MYO6: variants seen among roughly 807,000 people sequenced by gnomAD.
MYO6 encodes the protein myosin VI, also known as unconventional myosin-VI.
In MYO6, 74 loss-of-function variants were observed where a neutral mutation model predicts 178.7. The ratio of observed to expected loss-of-function variants is 0.41; its 90% confidence interval spans 0.34 to 0.50. MYO6 has a LOEUF of 0.50. Ranked by LOEUF, MYO6 falls within the 20% of genes least tolerant of loss-of-function variation. The pLI is 0.09. For synonymous variants in MYO6, 477 were observed against 504.6 expected (o/e 0.95, Z 0.73); for missense variants, 1,330 against 1,547.4 (o/e 0.86, Z 2.36).
intron 2 of MYO6, among the ~76,000 whole-genome samples, chr6:75,818,451 C>T (rs1202157081): frequency 1.3e-5 from 2 of 152,160 alleles, no homozygotes; most frequent in African/African-American, 4.8e-5. Flanking sequence ...ACTCTTAGCT[C>T]TCTTAGCACA....
At chr6:75,902,703 G>A (rs1365795738) in intron 30 of MYO6, among the ~76,000 whole-genome samples, 2 of 151,430 alleles carry the variant, frequency 1.3e-5, no homozygotes, top group Non-Finnish European at 3.0e-5. Context: ...TTTTTTGAAG[G>A]GTTTTTTGTG....
intron 7 of MYO6, among the ~76,000 whole-genome samples, chr6:75,838,434 T>C (rs1326093005): frequency 6.6e-6 from 1 of 152,172 alleles, no homozygotes; most frequent in Non-Finnish European, 1.5e-5. Flanking sequence ...AATAGAAGTT[T>C]AGTTGCTGGT....
chr6:75,893,487 C>CA (rs1447240594), intron 28 of MYO6, among the ~76,000 whole-genome samples: 1 of 151,892 alleles, frequency 6.6e-6, no homozygotes, highest in Non-Finnish European at 1.5e-5. Flanking sequence ...CAGTTTATGA[C>CA]AAAATATAGA....
rs551144411 is a variant in MYO6 at position 75,823,171 on chromosome 6, G to A, written c.187+320G>A. Among the ~76,000 whole-genome samples, 10 of 152,270 alleles carry A rather than the reference G, an allele frequency of 6.6e-5. 1 individual carries two copies. Among genetic ancestry groups the A allele is most frequent in the Admixed American group, 6.5e-4 (10 of 15,284 alleles). ...ATTGAACCTTATTTAGAGTCAGGTG[G>A]TTTTTATTGTAGTATATGTGGTTCA... On this transcript the variant is annotated intron_variant, in intron 3 of 34. Transcript: ENST00000369977.
intron 16 of MYO6, among the ~76,000 whole-genome samples, chr6:75,866,282 T>TGTGTGG (rs1236117460): frequency 4.9e-4 from 73 of 150,274 alleles, no homozygotes; most frequent in East Asian, 2.3e-3. Flanking sequence ...TCTCTGTGTG[T>TGTGTGG]GTGTGTGTGT....
intron 14 of MYO6, among the ~76,000 whole-genome samples, chr6:75,859,305 C>CTTTT (rs1161462411): frequency 6.9e-6 from 1 of 144,978 alleles, no homozygotes; most frequent in Admixed American, 6.9e-5. Flanking sequence ...GTCTCTACTT[C>CTTTT]TTTTTTTTTT....
intron 12 of MYO6, among the ~76,000 whole-genome samples, chr6:75,856,840 G>A (rs181111637): frequency 6.6e-6 from 1 of 152,258 alleles, no homozygotes; most frequent in East Asian, 1.9e-4. Flanking sequence ...TATTCAGGAT[G>A]TAAATTAAGG....
chr6:75,785,438 TTTTTG>T (rs1200176827), intron 1 of MYO6, among the ~76,000 whole-genome samples: 1 of 151,512 alleles, frequency 6.6e-6, no homozygotes, highest in Non-Finnish European at 1.5e-5. Context: ...GGATCCTAGT[TTTTTG>T]TTTTGTTTTG....
Position 75,821,896 on chromosome 6 carries a change from GATAAA to G in MYO6, c.118-880_118-876del, listed in dbSNP as rs146976957. ...TGCAGTGTTACTCTAGCATTTAAGT[GATAAA>G]ATAAATATAAGTATTCATGGATACT... On this transcript the variant is annotated intron_variant, in intron 2 of 34. Transcript: ENST00000369977. 3.1e-3 allele frequency among the ~76,000 whole-genome samples: 468 copies of G among 152,224 alleles called. 1 individual carries two copies. The highest frequency in any genetic ancestry group is 0.011 in the African/African-American group (439 of 41,542).
At chr6:75,771,760 A>G (rs1765915532) in intron 1 of MYO6, among the ~76,000 whole-genome samples, 1 of 152,216 alleles carries the variant, frequency 6.6e-6, no homozygotes, top group Non-Finnish European at 1.5e-5. Context: ...TAAACCATTA[A>G]GTCCCATATC....
intron 20 of MYO6, among the ~76,000 whole-genome samples, chr6:75,876,356 CT>C (rs1777569070): frequency 6.6e-6 from 1 of 152,130 alleles, no homozygotes; most frequent in Non-Finnish European, 1.5e-5. Context: ...TCCTATTTCC[CT>C]GGCATATACT....
In MYO6 at chr6:75,832,872, T is replaced by C. The variant is rs1465587875; in HGVS notation, c.422T>C (p.Leu141Pro). The change falls in exon 6 of 35, where the codon CTC (leucine) becomes CCC (proline). Residue 141 changes from leucine (L) to proline (P), a missense_variant. Leu to Pro is a moderately conservative substitution (Grantham distance 98, BLOSUM62 -3). Around this residue, in one of 3 missense-constraint regions of MYO6, gnomAD observed 613 missense variants for 816.8 expected, o/e 0.75. Transcript: ENST00000369977. Reference protein sequence around the residue: ...ADKAFRDMKVLKMSQSIIVSG... With the variant: ...ADKAFRDMKVPKMSQSIIVSG... ...AAAGCTTTTCGAGACATGAAGGTGC[T>C]CAAGATGAGTCAGTCTATCATTGTA... 2.5e-6 allele frequency: 4 copies of C among 1,614,036 alleles called. No individual in the cohort carries two copies. Among genetic ancestry groups the C allele is most frequent in the Non-Finnish European group, 3.4e-6 (4 of 1,179,888 alleles).
chr6:75,796,647 T>C (rs1347999075), intron 1 of MYO6, among the ~76,000 whole-genome samples: 2 of 142,830 alleles, frequency 1.4e-5, no homozygotes, highest in Non-Finnish European at 3.2e-5. Flanking sequence ...TTTTTTTTTT[T>C]AATTGAGACG....
intron 1 of MYO6, among the ~76,000 whole-genome samples, chr6:75,807,683 C>T (rs1770237949): frequency 6.6e-6 from 1 of 152,192 alleles, no homozygotes; most frequent in Non-Finnish European, 1.5e-5. Context: ...TAAAGAATAG[C>T]TCCTCCACAG....
At chr6:75,816,537 C>T (rs1166014033) in intron 1 of MYO6, among the ~76,000 whole-genome samples, 1 of 152,210 alleles carries the variant, frequency 6.6e-6, no homozygotes, top group African/African-American at 2.4e-5. Flanking sequence ...ATGGCTATAT[C>T]CATTTGTCCA....
intron 1 of MYO6, among the ~76,000 whole-genome samples, chr6:75,802,928 T>C (rs1583130365): frequency 6.6e-6 from 1 of 152,242 alleles, no homozygotes; most frequent in African/African-American, 2.4e-5. Flanking sequence ...TCTGATACTT[T>C]AATATCTGTG....
At chr6:75,834,692 G>C (rs1248724095) in intron 6 of MYO6, among the ~76,000 whole-genome samples, 3 of 152,136 alleles carry the variant, frequency 2.0e-5, no homozygotes, top group African/African-American at 7.2e-5. Flanking sequence ...CAGAATTATA[G>C]TTCTTAGTTG....
At position 75,916,277 on chromosome 6, in the gene MYO6, C is replaced by G. The variant is rs1204593375; in HGVS notation, c.*1265C>G. On this transcript the variant is annotated 3_prime_UTR_variant, in exon 35 of 35. Transcript: ENST00000369977. ...TCCCCCAGTTTTTAGAGACCCTAAC[C>G]TTTGAAATGAAATTCCAGTGATTTC... 1 of 152,106 alleles carries G rather than the reference C, an allele frequency of 6.6e-6. No individual in the cohort carries two copies. Among genetic ancestry groups the G allele is most frequent in the Admixed American group, 6.6e-5 (1 of 15,256 alleles). The allele number at this position is 152,106 out of a possible 1,614,324, so 9.4% of individuals were successfully genotyped here.
chr6:75,886,747 C>A, intron 24 of MYO6, 97 bp from the exon 25 acceptor site: 1 of 1,178,682 alleles, frequency 8.5e-7, no homozygotes, highest in Non-Finnish European at 1.3e-6. Flanking sequence ...ATATTGAAAA[C>A]AGAAGTGAAA....
Sources: gnomAD v4.1 joint callset for allele counts (sites outside exome capture counted in the v4.1 genomes callset) on GRCh38, gnomAD v4.1.1 for gene constraint, gnomAD v4.1.1 regional missense constraint, MANE v1.5 for transcripts, NCBI Gene and HGNC (gene_info 2026-07-23, HGNC 2026-07-21) for gene names.